PCSK5: variants seen among roughly 807,000 people sequenced by gnomAD.
PCSK5 encodes proprotein convertase subtilisin/kexin type 5, also known as prohormone convertase 5.
A neutral mutation model predicts 233.2 loss-of-function variants in PCSK5; 129 were observed. The observed-to-expected ratio is 0.55, with a 90% confidence interval of 0.48 to 0.64. PCSK5 has a LOEUF of 0.64. PCSK5 is among the 30% of genes least tolerant of loss of function. The pLI, the probability that PCSK5 is intolerant of heterozygous loss-of-function variation, is 0.00. For missense variants in PCSK5, 2,076 were observed against 2,430.1 expected (o/e 0.85, Z 3.06); for synonymous variants, 825 against 879.2 (o/e 0.94, Z 1.09).
At chr9:76,095,863 C>G in intron 7 of PCSK5, 27 bp from the exon 8 acceptor site, 1 of 1,601,950 alleles carries the variant, frequency 6.2e-7, no homozygotes, top group Non-Finnish European at 8.6e-7. Flanking sequence ...TTCACACCAT[C>G]ATTTAGCTTT....
chr9:76,141,603 G>A (rs776981315), intron 10 of PCSK5, among the ~76,000 whole-genome samples: 75 of 152,214 alleles, frequency 4.9e-4, no homozygotes, highest in Non-Finnish European at 9.0e-4. Flanking sequence ...TCACCCTAAC[G>A]AGTTATTCTC....
intron 1 of PCSK5, among the ~76,000 whole-genome samples, chr9:75,893,060 A>G (rs1338304160): frequency 1.3e-5 from 2 of 152,122 alleles, no homozygotes; most frequent in African/African-American, 4.8e-5. Context: ...AAAGTTGGGC[A>G]CTGCCTATGC....
At chr9:75,914,671 G>T (rs1028033420) in intron 1 of PCSK5, among the ~76,000 whole-genome samples, 4 of 152,142 alleles carry the variant, frequency 2.6e-5, no homozygotes, top group African/African-American at 9.7e-5. Flanking sequence ...AGCAGCTCCT[G>T]AGAGTTGCTT....
intron 5 of PCSK5, among the ~76,000 whole-genome samples, chr9:76,046,881 C>G (rs1563993809): frequency 6.6e-6 from 1 of 152,006 alleles, no homozygotes; most frequent in African/African-American, 2.4e-5. Context: ...TTAAGTATTG[C>G]CCAGTACAGT....
intron 5 of PCSK5, among the ~76,000 whole-genome samples, chr9:76,061,727 A>G (rs1830036448): frequency 6.6e-6 from 1 of 152,176 alleles, no homozygotes; most frequent in Non-Finnish European, 1.5e-5. Context: ...TCTAAAAGAG[A>G]ATAATTCAAA....
chr9:76,212,526 C>T (rs75287166), intron 20 of PCSK5, among the ~76,000 whole-genome samples: 10,709 of 152,236 alleles, frequency 0.07, 415 homozygotes, highest in African/African-American at 0.11. Flanking sequence ...CACAGTGCTA[C>T]GCCAGGAGTT....
At chr9:76,042,928 T>C (rs1172256951) in intron 5 of PCSK5, among the ~76,000 whole-genome samples, 3 of 152,210 alleles carry the variant, frequency 2.0e-5, no homozygotes, top group East Asian at 1.9e-4. Flanking sequence ...TTTACTGTTA[T>C]CACTGTGGGT....
Position 76,295,268 on chromosome 9 carries a change from C to T in PCSK5, c.3186-7C>T, listed in dbSNP as rs1395194837. On this transcript the variant is annotated splice_region_variant and splice_polypyrimidine_tract_variant and intron_variant, in intron 25 of 37. Transcript: ENST00000674117. The stretch of plus-strand genomic sequence containing the variant: ...GTCATGAAAGAAATGATGTCTTCTT[C>T]CTCTAGGTTTGATCACCATTGTTAT... The T allele has an allele frequency of 6.2e-7, 1 of 1,605,980 alleles. No homozygotes were observed. Among genetic ancestry groups the T allele is most frequent in the African/African-American group, 1.3e-5 (1 of 74,844 alleles).
At chr9:76,345,447 C>T (rs1461769179) in intron 35 of PCSK5, among the ~76,000 whole-genome samples, 4 of 152,142 alleles carry the variant, frequency 2.6e-5, no homozygotes, top group African/African-American at 9.7e-5. Context: ...GAGACGGAGT[C>T]TCACTCTGTC....
At chr9:75,958,238 C>G (rs1291263677) in intron 2 of PCSK5, among the ~76,000 whole-genome samples, 1 of 152,052 alleles carries the variant, frequency 6.6e-6, no homozygotes, top group Non-Finnish European at 1.5e-5. Flanking sequence ...TAAATGATAC[C>G]TGGGTGAGAA....
At chr9:75,994,400 C>CTTT (rs550518074) in intron 3 of PCSK5, among the ~76,000 whole-genome samples, 30 of 81,972 alleles carry the variant, frequency 3.7e-4, no homozygotes, top group Non-Finnish European at 5.3e-4. Flanking sequence ...TTCTTTCTTT[C>CTTT]TTTTTTTTTT....
intron 16 of PCSK5, 93 bp downstream of exon 16, chr9:76,181,684 G>A (rs976439671): frequency 1.3e-6 from 1 of 795,136 alleles, no homozygotes; most frequent in African/African-American, 1.8e-5. Context: ...GTGAAATCTG[G>A]AATTGTGCTT....
chr9:76,295,097 T>C (rs966437196), intron 25 of PCSK5, among the ~76,000 whole-genome samples, 178 bp from the exon 26 acceptor site: 1 of 152,048 alleles, frequency 6.6e-6, no homozygotes, highest in Non-Finnish European at 1.5e-5. Context: ...GAAGTTGCAG[T>C]GAGCCGAGAT....
At chr9:75,928,617 A>G (rs1375151216) in intron 1 of PCSK5, among the ~76,000 whole-genome samples, 1 of 111,962 alleles carries the variant, frequency 8.9e-6, no homozygotes, top group Non-Finnish European at 1.8e-5. Flanking sequence ...ATATATATAT[A>G]TATATATATA....
chr9:76,067,711 T>C (rs1830334172), intron 5 of PCSK5, among the ~76,000 whole-genome samples: 1 of 152,176 alleles, frequency 6.6e-6, no homozygotes, highest in African/African-American at 2.4e-5. Flanking sequence ...ACTTTTAGCT[T>C]TCAAGGAGAT....
At chr9:75,985,603 T>C (rs575648590) in intron 2 of PCSK5, among the ~76,000 whole-genome samples, 33 of 152,270 alleles carry the variant, frequency 2.2e-4, no homozygotes, top group Non-Finnish European at 3.7e-4. Flanking sequence ...AACTGTGGCA[T>C]GTGGAACAAA....
In PCSK5 at chr9:76,302,207, A is replaced by G. The variant is rs1828633332; in HGVS notation, c.3594A>G (p.Gln1198=). The G allele has an allele frequency of 7.4e-7, 1 of 1,348,178 alleles. No individual in the cohort carries two copies. Among genetic ancestry groups the G allele is most frequent in the Non-Finnish European group, 9.9e-7 (1 of 1,010,372 alleles). The allele number at this position is 1,348,178 out of a possible 1,614,324, so 83.5% of individuals were successfully genotyped here. ...AGGAGCGACGAAGGTGGAAAGTTCA[A>G]ATCAAAAGAGGTAACAGGGAAATAG... ...LLQERRRWKV[Q]IKRDILRKLQ... The change falls in exon 28 of 38, where the codon CAA becomes CAG. Residue 1198 remains glutamine (Q), a synonymous_variant. Coordinates refer to ENST00000674117, the MANE Select transcript of PCSK5 (RefSeq NM_001372043.1).
chr9:76,091,611 C>T (rs1393177352), intron 7 of PCSK5, among the ~76,000 whole-genome samples: 1 of 152,102 alleles, frequency 6.6e-6, no homozygotes, highest in Non-Finnish European at 1.5e-5. Context: ...AGACACTGAT[C>T]TCTCTGGGTT....
intron 1 of PCSK5, among the ~76,000 whole-genome samples, chr9:75,900,276 A>G (rs1825969093): frequency 6.6e-6 from 1 of 152,218 alleles, no homozygotes; most frequent in South Asian, 2.1e-4. Flanking sequence ...TAAGGGATAT[A>G]ATAACAAGAG....
Sources: allele counts gnomAD v4.1 joint callset (sites outside exome capture counted in the v4.1 genomes callset), GRCh38; gene constraint gnomAD v4.1.1; transcripts MANE v1.5; gene names NCBI Gene and HGNC (gene_info 2026-07-23, HGNC 2026-07-21).